The following COL19A1 variants were observed in gnomAD, a reference collection of about 807,000 sequenced individuals.
COL19A1 encodes the protein collagen alpha-1(XIX) chain.
A neutral mutation model predicts 190.2 loss-of-function variants in COL19A1; 159 were observed. The observed-to-expected ratio is 0.84, with a 90% CI of 0.73 to 0.95. COL19A1 has a LOEUF of 0.95. COL19A1 is among the 40% of genes least tolerant of loss of function. The pLI is 0.00. For synonymous variants in COL19A1, 509 were observed against 458.9 expected, an observed-to-expected ratio of 1.11 and a Z score of -1.39; for missense variants, 1,418 against 1,431.9, an observed-to-expected ratio of 0.99 and a Z score of 0.16.
chr6:70,175,121 A>T (rs1360209840), intron 41 of COL19A1, among the ~76,000 whole-genome samples: 1 of 152,124 alleles, frequency 6.6e-6, no homozygotes, highest in East Asian at 1.9e-4. Flanking sequence ...ATTGATGTGT[A>T]TTGCCTGTTT....
chr6:69,873,154 G>A (rs1009536711), intron 1 of COL19A1, among the ~76,000 whole-genome samples: 2 of 151,796 alleles, frequency 1.3e-5, no homozygotes, highest in African/African-American at 4.8e-5. Context: ...ATGTGCACCC[G>A]CTCTCAGAGT....
rs190463564 is a variant in COL19A1, at chr6:69,997,692, A to G, written c.1027-25935A>G. ...GGATAAATTGAAATGATCTAAAGAAAGACGAGAAAGAAAAATAATAATGAA... is the reference window on the plus strand; with the variant it reads ...GGATAAATTGAAATGATCTAAAGAAGGACGAGAAAGAAAAATAATAATGAA... On this transcript the variant is annotated intron_variant, in intron 11 of 50. Coordinates refer to ENST00000620364, the MANE Select transcript of COL19A1 (RefSeq NM_001858.6). 1.4e-3 allele frequency among the ~76,000 whole-genome samples: 211 copies of G among 152,274 alleles called. 2 individuals carry two copies. The highest frequency in any genetic ancestry group is 4.7e-3 in the African/African-American group (196 of 41,576).
At chr6:69,975,170 A>G (rs746009072) in intron 11 of COL19A1, among the ~76,000 whole-genome samples, 1 of 152,154 alleles carries the variant, frequency 6.6e-6, no homozygotes, top group Non-Finnish European at 1.5e-5. Flanking sequence ...GAACATTTTC[A>G]TGTAAGTATC....
At chr6:69,900,984 G>A (rs1417657324) in intron 4 of COL19A1, among the ~76,000 whole-genome samples, 2 of 152,096 alleles carry the variant, frequency 1.3e-5, no homozygotes, top group African/African-American at 4.8e-5. Context: ...GGGCAACAAT[G>A]ATTTACCATA....
intron 11 of COL19A1, 58 bp from the exon 12 acceptor site, chr6:70,023,569 T>C: frequency 7.0e-7 from 1 of 1,433,022 alleles, no homozygotes; most frequent in Non-Finnish European, 9.6e-7. Context: ...ACTTTATTTT[T>C]TGCTAGCAAA....
chr6:70,091,870 T>C (rs1782946038), intron 15 of COL19A1, among the ~76,000 whole-genome samples: 1 of 152,148 alleles, frequency 6.6e-6, no homozygotes, highest in Admixed American at 6.5e-5. Flanking sequence ...AGGTAAATTG[T>C]AAAGCACAGA....
chr6:70,104,521 G>C (rs555225917), intron 16 of COL19A1, among the ~76,000 whole-genome samples: 3 of 152,242 alleles, frequency 2.0e-5, no homozygotes, highest in African/African-American at 7.2e-5. Flanking sequence ...CTCCCACCAG[G>C]TTCCTCCCCC....
Position 69,929,665 on chromosome 6 carries a change from A to G in COL19A1, c.631A>G (p.Ile211Val). The change falls in exon 6 of 51, where the codon ATT (isoleucine) becomes GTT (valine). Residue 211 changes from isoleucine (I) to valine (V), a missense_variant. Coordinates refer to ENST00000620364, the MANE Select transcript of COL19A1 (RefSeq NM_001858.6). Reference sequence around the variant, plus strand: ...TGTGGATTTCCATGGACGGACAGTTATTGCTACGCGAGCTTCAGATGGCAA... The same window carrying G: ...TGTGGATTTCCATGGACGGACAGTTGTTGCTACGCGAGCTTCAGATGGCAA... ...DTVDFHGRTVIATRASDGKPV... is the reference protein window; with the variant it reads ...DTVDFHGRTVVATRASDGKPV... The G allele has an allele frequency of 6.2e-7, 1 of 1,613,812 alleles. No homozygotes were observed. Among genetic ancestry groups the G allele is most frequent in the Non-Finnish European group, 8.5e-7 (1 of 1,179,822 alleles).
intron 10 of COL19A1, among the ~76,000 whole-genome samples, chr6:69,961,699 C>T (rs1254432040): frequency 6.6e-6 from 1 of 151,984 alleles, no homozygotes; most frequent in Non-Finnish European, 1.5e-5. Flanking sequence ...TATTTAATTA[C>T]ATGCATGTAA....
At chr6:70,049,709 G>T (rs1448954260) in intron 14 of COL19A1, among the ~76,000 whole-genome samples, 1 of 151,936 alleles carries the variant, frequency 6.6e-6, no homozygotes, top group Non-Finnish European at 1.5e-5. Flanking sequence ...TTTTACAAAA[G>T]AGTTATTTTA....
At chr6:70,034,122 C>A in intron 12 of COL19A1, 123 bp from the exon 13 acceptor site, 2 of 718,106 alleles carry the variant, frequency 2.8e-6, no homozygotes, top group Non-Finnish European at 5.0e-6. Context: ...CTATTTCTCT[C>A]TATACTACAA....
At chr6:70,195,562 G>A (rs1767146049) in intron 48 of COL19A1, among the ~76,000 whole-genome samples, 1 of 152,140 alleles carries the variant, frequency 6.6e-6, no homozygotes, top group Non-Finnish European at 1.5e-5. Context: ...CCATGCAGAG[G>A]CAGACTACTT....
At chr6:69,900,132 T>G (rs1322936393) in intron 3 of COL19A1, 107 bp from the exon 4 acceptor site, 1 of 571,348 alleles carries the variant, frequency 1.8e-6, no homozygotes, top group Non-Finnish European at 2.8e-6. Context: ...AGCAGCAAGA[T>G]TTCGTTTGAA....
intron 1 of COL19A1, among the ~76,000 whole-genome samples, chr6:69,868,989 G>A (rs2149928213): frequency 6.6e-6 from 1 of 152,096 alleles, no homozygotes; most frequent in South Asian, 2.1e-4. Flanking sequence ...GAAATGCAAG[G>A]AAGTAGGGCT....
At chr6:70,195,015 A>G (rs1044495134) in intron 48 of COL19A1, among the ~76,000 whole-genome samples, 7 of 150,662 alleles carry the variant, frequency 4.6e-5, no homozygotes, top group African/African-American at 1.7e-4. Flanking sequence ...GTATGATCCT[A>G]TTTTCTTATC....
intron 11 of COL19A1, among the ~76,000 whole-genome samples, chr6:70,021,649 A>G (rs953666563): frequency 1.3e-5 from 2 of 152,190 alleles, no homozygotes; most frequent in Non-Finnish European, 2.9e-5. Context: ...CATATTTGAC[A>G]TCCTCTACAA....
At chr6:69,978,170 A>C (rs1775831963) in intron 11 of COL19A1, among the ~76,000 whole-genome samples, 1 of 152,174 alleles carries the variant, frequency 6.6e-6, no homozygotes, top group East Asian at 1.9e-4. Context: ...CTGGCACCTG[A>C]AACTTTTGCT....
chr6:69,933,099 A>G (rs968705276), intron 7 of COL19A1, among the ~76,000 whole-genome samples: 2 of 152,114 alleles, frequency 1.3e-5, no homozygotes, highest in African/African-American at 4.8e-5. Context: ...TGAACTCAGT[A>G]TAACTTAAAG....
At chr6:70,184,844 A>C in intron 45 of COL19A1, 27 bp from the exon 46 acceptor site, 1 of 1,611,938 alleles carries the variant, frequency 6.2e-7, no homozygotes, top group South Asian at 1.1e-5. Context: ...GCAAGGAGTG[A>C]TTTTCATGTT....
Sources: allele counts gnomAD v4.1 joint callset (sites outside exome capture counted in the v4.1 genomes callset), GRCh38; gene constraint gnomAD v4.1.1; transcripts MANE v1.5; gene names NCBI Gene and HGNC (gene_info 2026-07-23, HGNC 2026-07-21).